CAPN13: variants seen among roughly 807,000 people sequenced by gnomAD.
CAPN13 encodes the protein calpain 13, also known as calpain-13.
CAPN13 carries 90 observed loss-of-function variants against 98.4 expected under a neutral mutation model. The observed-to-expected ratio is 0.92, with a 90% CI of 0.77 to 1.09. The LOEUF is 1.09. Among genes scored for constraint, CAPN13 ranks in the 50% least tolerant of loss-of-function variants. The pLI is 0.00. For synonymous variants in CAPN13, 330 were observed against 305.5 expected (o/e 1.08, Z -0.84); for missense variants, 887 against 841.3 (o/e 1.05, Z -0.67).
At chr2:30,758,525 G>C (rs1314172181) in intron 7 of CAPN13, among the ~76,000 whole-genome samples, 3 of 152,320 alleles carry the variant, frequency 2.0e-5, no homozygotes, top group African/African-American at 4.8e-5. Flanking sequence ...GATGGCATCT[G>C]TTCCACAGAC....
intron 1 of CAPN13, among the ~76,000 whole-genome samples, chr2:30,799,379 C>T (rs1371574452): frequency 6.6e-6 from 1 of 152,212 alleles, no homozygotes; most frequent in Non-Finnish European, 1.5e-5. Context: ...CTGAGCCACT[C>T]TGCACTTCAG....
chr2:30,767,912 A>G (rs903970145), intron 5 of CAPN13, among the ~76,000 whole-genome samples: 2 of 152,180 alleles, frequency 1.3e-5, no homozygotes, highest in African/African-American at 4.8e-5. Context: ...CCAGGTGAGT[A>G]AAGACCTGGC....
Position 30,758,105 on chromosome 2 carries a change from G to C in CAPN13, c.807C>G (p.Ile269Met). Reference sequence around the variant, plus strand: ...CCCAGCCCCAGGGGTTCCACAGGGAGATAATTTCTTCCCAGCCCCTTCGGT... The same window carrying C: ...CCCAGCCCCAGGGGTTCCACAGGGACATAATTTCTTCCCAGCCCCTTCGGT... ...IQYRRGWEEI[I>M]SLWNPWGWGE... Residue 269 changes from isoleucine (I) to methionine (M), a missense_variant, in exon 8 of 23, where the codon ATC becomes ATG. Coordinates refer to ENST00000295055, the MANE Select transcript of CAPN13 (RefSeq NM_144575.3). 1 of 1,609,196 alleles carries C rather than the reference G, an allele frequency of 6.2e-7. No individual in the cohort carries two copies. Among genetic ancestry groups the C allele is most frequent in the South Asian group, 1.1e-5 (1 of 89,640 alleles).
intron 12 of CAPN13, chr2:30,745,279 G>A (rs530830582): frequency 3.5e-4 from 165 of 474,682 alleles, no homozygotes; most frequent in South Asian, 2.5e-3. Context: ...TAGGAGGGTG[G>A]CAGTTTCTTG....
intron 2 of CAPN13, among the ~76,000 whole-genome samples, chr2:30,784,360 G>GGC (rs1674149346): frequency 6.6e-6 from 1 of 152,174 alleles, no homozygotes; most frequent in Non-Finnish European, 1.5e-5. Context: ...AGGCCCTGAG[G>GGC]CTGCTACCTT....
At chr2:30,805,312 G>C (rs553217246) in intron 1 of CAPN13, among the ~76,000 whole-genome samples, 2 of 152,238 alleles carry the variant, frequency 1.3e-5, no homozygotes, top group African/African-American at 2.4e-5. Context: ...CAAGTGGCTG[G>C]TCATGTCTCT....
intron 11 of CAPN13, among the ~76,000 whole-genome samples, chr2:30,745,962 G>A (rs1485316055): frequency 7.2e-6 from 1 of 139,062 alleles, no homozygotes; most frequent in East Asian, 2.1e-4. Flanking sequence ...GTGCAATGGT[G>A]CAATCTCGGC....
chr2:30,779,468 C>G (rs1219380378), intron 2 of CAPN13, among the ~76,000 whole-genome samples: 1 of 152,202 alleles, frequency 6.6e-6, no homozygotes, highest in Non-Finnish European at 1.5e-5. Context: ...TGGGTTCTCT[C>G]TGGTAGGCTC....
At chr2:30,798,909 G>T (rs1209166230) in intron 1 of CAPN13, among the ~76,000 whole-genome samples, 2 of 152,152 alleles carry the variant, frequency 1.3e-5, no homozygotes, top group African/African-American at 4.8e-5. Context: ...GGGGGAAGGG[G>T]CCTGTGCACT....
At chr2:30,794,210 G>GA (rs559758957) in intron 1 of CAPN13, among the ~76,000 whole-genome samples, 26 of 150,874 alleles carry the variant, frequency 1.7e-4, no homozygotes, top group South Asian at 4.2e-4. Context: ...TCAATAATCA[G>GA]AAAAAAAACC....
intron 12 of CAPN13, among the ~76,000 whole-genome samples, chr2:30,744,433 T>C (rs1190610482): frequency 6.6e-6 from 1 of 152,208 alleles, no homozygotes; most frequent in African/African-American, 2.4e-5. Flanking sequence ...GGAGCCTGAC[T>C]TGCTTGGGCC....
chr2:30,731,477 C>A, intron 20 of CAPN13, 78 bp from the exon 21 acceptor site: 1 of 1,261,434 alleles, frequency 7.9e-7, no homozygotes, highest in East Asian at 2.5e-5. Context: ...GGCCTGGGCC[C>A]ATAAGAAGCA....
chr2:30,735,539 C>A (rs1352069064), intron 18 of CAPN13, among the ~76,000 whole-genome samples: 1 of 152,148 alleles, frequency 6.6e-6, no homozygotes, highest in African/African-American at 2.4e-5. Context: ...CATTTTGAAC[C>A]CCTGCTGTGT....
chr2:30,792,601 A>T (rs1235555972), intron 1 of CAPN13, among the ~76,000 whole-genome samples: 1 of 152,110 alleles, frequency 6.6e-6, no homozygotes, highest in East Asian at 1.9e-4. Context: ...AGGCTCAGAT[A>T]GTTTCACTAG....
intron 1 of CAPN13, among the ~76,000 whole-genome samples, chr2:30,800,230 C>A (rs1020011650): frequency 3.3e-5 from 5 of 151,366 alleles, no homozygotes; most frequent in African/African-American, 1.2e-4. Flanking sequence ...GAAGTAAGTG[C>A]TCAGAATAGA....
intron 7 of CAPN13, among the ~76,000 whole-genome samples, chr2:30,760,308 C>A (rs1483946662): frequency 6.6e-6 from 1 of 152,148 alleles, no homozygotes; most frequent in Non-Finnish European, 1.5e-5. Context: ...GATGGATACG[C>A]AGTTTATTGT....
At chr2:30,732,622 T>C in intron 19 of CAPN13, 56 bp from the exon 20 acceptor site, 4 of 1,563,440 alleles carry the variant, frequency 2.6e-6, no homozygotes, top group Non-Finnish European at 3.4e-6. Context: ...GGGGTTCCTC[T>C]GCCTCTCAGG....
At position 30,781,409 on chromosome 2, in the gene CAPN13, G is replaced by A. The variant is rs150977207; in HGVS notation, c.199-3770C>T. 1.4e-3 allele frequency among the ~76,000 whole-genome samples: 215 copies of A among 152,276 alleles called. 1 individual carries two copies. Among genetic ancestry groups the A allele is most frequent in the Middle Eastern group, 6.8e-3 (2 of 294 alleles). On this transcript the variant is annotated intron_variant, in intron 2 of 22. Coordinates refer to ENST00000295055, the MANE Select transcript of CAPN13 (RefSeq NM_144575.3). ...TACCATCCTAACTGCATCACGGAGC[G>A]CCCAGATACTTGGCTAAACATTACT...
At chr2:30,723,738 T>C (rs1166065083) in intron 22 of CAPN13, among the ~76,000 whole-genome samples, 1 of 152,200 alleles carries the variant, frequency 6.6e-6, no homozygotes, top group Non-Finnish European at 1.5e-5. Flanking sequence ...TGCATAGTCA[T>C]GTTTTCTGCA....
Sources: allele counts gnomAD v4.1 joint callset (sites outside exome capture counted in the v4.1 genomes callset), GRCh38; gene constraint gnomAD v4.1.1; transcripts MANE v1.5; gene names NCBI Gene and HGNC (gene_info 2026-07-23, HGNC 2026-07-21).